SRP19: variants seen among roughly 807,000 people sequenced by gnomAD.
SRP19 encodes the protein signal recognition particle 19, also known as signal recognition particle 19 kDa protein.
SRP19 carries 11 observed loss-of-function variants against 22.4 expected under a neutral mutation model. The ratio of observed to expected loss-of-function variants is 0.49; its 90% confidence interval spans 0.31 to 0.81. The LOEUF (loss-of-function observed/expected upper bound fraction) is 0.81. SRP19 is among the 40% of genes least tolerant of loss of function. The probability of loss-of-function intolerance (pLI) is 0.05; values close to 1 mark genes in which losing one functional copy is unlikely to be tolerated. For synonymous variants in SRP19, 61 were observed against 57.6 expected (o/e 1.06, Z -0.27); for missense variants, 168 against 175.9 (o/e 0.96, Z 0.25).
At chr5:112,867,360 CTT>C in intron 4 of SRP19, 42 bp from the exon 5 acceptor site, 3 of 1,579,094 alleles carry the variant, frequency 1.9e-6, no homozygotes, top group Non-Finnish European at 2.6e-6. Flanking sequence ...CTTTTTATGT[CTT>C]ATTTCTCAGA....
chr5:112,885,066 CTG>C, intron 4 of SRP19: 1 of 155,662 alleles, frequency 6.4e-6, no homozygotes, highest in South Asian at 1.9e-4. Flanking sequence ...ACCGATCAAT[CTG>C]AACTGAATCA....
At position 112,887,177 on chromosome 5, in the gene SRP19, A is replaced by G. The variant is rs1768280343; in HGVS notation, c.302-4426A>G. On this transcript the variant is annotated intron_variant, in intron 4 of 4. Coordinates refer to the SRP19 transcript ENST00000391338. ...CTCGGGGCCATGCACCACAACAGGA[A>G]GCCACACTGCACAGAAAAAGAGCCA... 1.9e-6 allele frequency: 3 copies of G among 1,596,428 alleles called. No individual in the cohort carries two copies. The South Asian group carries it at 3.4e-5, about 18-fold the overall frequency.
chr5:112,870,520 C>T (rs1409236932), downstream of SRP19, among the ~76,000 whole-genome samples: 2 of 151,824 alleles, frequency 1.3e-5, no homozygotes, highest in East Asian at 1.9e-4. Context: ...AGATTTGTCA[C>T]AGAAAGATGG....
rs149597470 is a variant in SRP19 at position 112,865,863 on chromosome 5, A to G, written c.301+1131A>G. On this transcript the variant is annotated intron_variant, in intron 4 of 4. Transcript: ENST00000505459. ...CACCTCGGCCTCCCAAAGTGCTGGG[A>G]TTACAGGCATAAGCCACTGCCCCCG... 4.0e-3 allele frequency among the ~76,000 whole-genome samples: 614 copies of G among 152,288 alleles called. 2 individuals are homozygous for G. Among genetic ancestry groups the G allele is most frequent in the African/African-American group, 0.014 (591 of 41,560 alleles).
chr5:112,896,694 G>C (rs138655726), downstream of SRP19: 1 of 151,834 alleles, frequency 6.6e-6, no homozygotes, highest in African/African-American at 2.4e-5. Flanking sequence ...GCAGCACTTC[G>C]GGAGGCTGAG....
At chr5:112,882,120 T>A (rs1192498115) in intron 4 of SRP19, 7 of 153,832 alleles carry the variant, frequency 4.6e-5, no homozygotes, top group Non-Finnish European at 4.4e-5. Context: ...TGTAGACATA[T>A]GTGATGATCT....
chr5:112,892,528 T>C lies in SRP19; in HGVS notation c.*921T>C, dbSNP rs567287547. On this transcript the variant is annotated 3_prime_UTR_variant, in exon 5 of 5. Coordinates refer to the SRP19 transcript ENST00000391338. ...CCTTTCTCTGTTTAACGGACGATGG[T>C]ATGCAGGACGACAGCTGCAATGTGA... 3 of 1,614,132 alleles carry C rather than the reference T, an allele frequency of 1.9e-6. No homozygotes were observed. The African/African-American group carries it at 4.0e-5, about 22-fold the overall frequency.
chr5:112,875,539 G>T (rs928078289), intron 4 of SRP19, among the ~76,000 whole-genome samples: 3 of 151,500 alleles, frequency 2.0e-5, no homozygotes, highest in African/African-American at 7.3e-5. Context: ...CTAATTTTTT[G>T]GTATTTTTTG....
chr5:112,879,243 A>G (rs1767989910), intron 4 of SRP19, among the ~76,000 whole-genome samples: 1 of 148,150 alleles, frequency 6.7e-6, no homozygotes. Context: ...CAACTAGGTC[A>G]TCATATTTAT....
chr5:112,870,563 A>T (rs576341879), downstream of SRP19, among the ~76,000 whole-genome samples: 3 of 152,284 alleles, frequency 2.0e-5, no homozygotes, highest in South Asian at 6.2e-4. Context: ...TTTTGGGGCA[A>T]TAAGGATTGT....
chr5:112,880,707 T>C (rs902513366), intron 4 of SRP19, among the ~76,000 whole-genome samples: 1 of 152,216 alleles, frequency 6.6e-6, no homozygotes, highest in Non-Finnish European at 1.5e-5. Context: ...TAAGATTGGA[T>C]TTTAAGTATT....
intron 4 of SRP19, chr5:112,878,249 T>C (rs550859194): frequency 6.5e-6 from 1 of 154,072 alleles, no homozygotes; most frequent in South Asian, 2.0e-4. Context: ...GGTCTTACTG[T>C]ACAGAAGTTA....
chr5:112,884,784 C>T (rs1258838697), intron 4 of SRP19, among the ~76,000 whole-genome samples: 1 of 151,634 alleles, frequency 6.6e-6, no homozygotes, highest in Admixed American at 6.6e-5. Flanking sequence ...CCTTGGCCCC[C>T]CCCCATCTTT....
At chr5:112,891,754 G>A (rs773520400) in exon 5 of SRP19, 5 of 1,614,118 alleles carry the variant, frequency 3.1e-6, no homozygotes, top group Admixed American at 1.7e-5. Flanking sequence ...ACGTCGGCAG[G>A]AACTTGCTCG....
At chr5:112,884,806 AT>A (rs36081572) in intron 4 of SRP19, among the ~76,000 whole-genome samples, 2 of 149,034 alleles carry the variant, frequency 1.3e-5, no homozygotes, top group African/African-American at 2.5e-5. Context: ...TACTTGCTTT[AT>A]TTTTTCCCTA....
intron 4 of SRP19, chr5:112,887,023 G>A (rs1561648295): frequency 6.2e-7 from 1 of 1,602,530 alleles, no homozygotes; most frequent in Non-Finnish European, 8.5e-7. Flanking sequence ...ACCTTCTTTA[G>A]TGATGGCATC....
intron 4 of SRP19, among the ~76,000 whole-genome samples, chr5:112,866,055 T>A (rs988642362): frequency 2.0e-5 from 3 of 151,942 alleles, no homozygotes; most frequent in Admixed American, 6.6e-5. Flanking sequence ...AAAGACAAGG[T>A]CTCACTCTGT....
chr5:112,888,669 A>G (rs1021158669), intron 4 of SRP19, among the ~76,000 whole-genome samples: 1 of 149,712 alleles, frequency 6.7e-6, no homozygotes, highest in African/African-American at 2.5e-5. Context: ...AGTAAAAAGT[A>G]ACTCTTGAAA....
downstream of SRP19, among the ~76,000 whole-genome samples, chr5:112,872,910 A>G (rs1317807040): frequency 6.6e-6 from 1 of 150,610 alleles, no homozygotes; most frequent in African/African-American, 2.4e-5. Flanking sequence ...CTACCCTTAC[A>G]TTGTTTGGCT....
Sources: allele counts gnomAD v4.1 joint callset (sites outside exome capture counted in the v4.1 genomes callset), GRCh38; gene constraint gnomAD v4.1.1; transcripts MANE v1.5; gene names NCBI Gene and HGNC (gene_info 2026-07-23, HGNC 2026-07-21).